The following SPATA17 variants were observed in gnomAD, a reference collection of about 807,000 sequenced individuals.
The protein encoded by SPATA17 is spermatogenesis-associated protein 17.
Under a neutral mutation model 62.2 loss-of-function variants are expected in SPATA17, and 53 were observed. That is an observed-to-expected ratio of 0.85 (90% CI 0.68 to 1.07). The LOEUF is 1.07. Among genes scored for constraint, SPATA17 ranks in the 50% least tolerant of loss-of-function variants. The pLI, the probability that SPATA17 is intolerant of heterozygous loss-of-function variation, is 0.00. For missense variants in SPATA17, 466 were observed against 425.5 expected (o/e 1.10, Z -0.84); for synonymous variants, 146 against 146.8 (o/e 0.99, Z 0.04).
At position 217,631,383 on chromosome 1, in the gene SPATA17, C is replaced by T. The variant is rs1233182861; in HGVS notation, c.5C>T (p.Ala2Val). M[A>V]TLARLQARSS... Reference sequence around the variant, plus strand: ...TAAACCCAAGGCCAAGAGACCATGGCCACGTTAGCCCGGCTGCAAGCTAGG... The same window carrying T: ...TAAACCCAAGGCCAAGAGACCATGGTCACGTTAGCCCGGCTGCAAGCTAGG... Residue 2 changes from alanine (A) to valine (V), a missense_variant, in exon 1 of 11, where the codon GCC becomes GTC. Physicochemically the swap from Ala to Val is moderately conservative, Grantham distance 64 (BLOSUM62 0). Coordinates refer to ENST00000366933, the MANE Select transcript of SPATA17 (RefSeq NM_138796.4). 1.4e-5 allele frequency: 22 copies of T among 1,614,006 alleles called. No homozygotes were observed. Among genetic ancestry groups the T allele is most frequent in the Non-Finnish European group, 1.9e-5 (22 of 1,180,028 alleles).
At position 217,870,425 on chromosome 1, in the gene SPATA17, G is replaced by A. The variant is rs911642997; in HGVS notation, c.*3406G>A. 6.6e-6 allele frequency: 1 copy of A among 152,142 alleles called. No homozygotes were observed. Among genetic ancestry groups the A allele is most frequent in the African/African-American group, 2.4e-5 (1 of 41,432 alleles). 9.4% of individuals were successfully genotyped at this position (152,142 alleles called of 1,614,324 possible). A position where few individuals can be genotyped will look rare whatever the true frequency, so the allele number is the denominator to read the frequency against. ...ATGATAACTACAGAGGTGTCCAGAT[G>A]AGTAAAAACTGCCTTTGCATTAAGG... On this transcript the variant is annotated 3_prime_UTR_variant, in exon 11 of 11. Transcript: ENST00000366933.
intron 2 of SPATA17, 63 bp downstream of exon 2, chr1:217,649,034 A>G (rs1391044437): frequency 8.5e-7 from 1 of 1,173,312 alleles, no homozygotes; most frequent in African/African-American, 1.6e-5. Flanking sequence ...TAGAAAATGT[A>G]ATTTATTCAT....
intron 3 of SPATA17, among the ~76,000 whole-genome samples, chr1:217,654,798 T>C (rs555842652): frequency 5.6e-4 from 84 of 151,256 alleles, no homozygotes; most frequent in Non-Finnish European, 9.0e-4. Context: ...CTGCAACCTC[T>C]GCCTCCCGGG....
chr1:217,633,153 G>A (rs918967044), intron 1 of SPATA17, among the ~76,000 whole-genome samples: 5 of 152,108 alleles, frequency 3.3e-5, no homozygotes, highest in East Asian at 1.9e-4. Flanking sequence ...AGCCGAGATC[G>A]CAATACTGCA....
At chr1:217,841,886 A>T (rs1675412914) in intron 9 of SPATA17, among the ~76,000 whole-genome samples, 1 of 151,266 alleles carries the variant, frequency 6.6e-6, no homozygotes, top group Non-Finnish European at 1.5e-5. Context: ...TATAATATGT[A>T]TATTATAAAC....
rs1676113742 is a variant in SPATA17, at chr1:217,870,771, C to A, written c.*3752C>A. 6.6e-6 allele frequency: 1 copy of A among 152,148 alleles called. No homozygotes were observed. The highest frequency in any genetic ancestry group is 1.5e-5 in the Non-Finnish European group (1 of 68,028). 9.4% of individuals were successfully genotyped at this position (152,148 alleles called of 1,614,324 possible). A position where few individuals can be genotyped will look rare whatever the true frequency, so the allele number is the denominator to read the frequency against. On this transcript the variant is annotated 3_prime_UTR_variant, in exon 11 of 11. Transcript: ENST00000366933. ...AATTCTTCTGAAATCAAAAGTCACA[C>A]CAGCTTTGCTGTAGTTAATCAGGTA... is the stretch of plus-strand genomic sequence containing the variant.
intron 8 of SPATA17, 100 bp from the exon 9 acceptor site, chr1:217,801,618 A>T: frequency 1.1e-6 from 1 of 899,336 alleles, no homozygotes; most frequent in African/African-American, 1.7e-5. Context: ...TAAATCTTGT[A>T]TCATTTTCAC....
At chr1:217,766,818 G>A (rs550004898) in intron 6 of SPATA17, among the ~76,000 whole-genome samples, 2 of 151,110 alleles carry the variant, frequency 1.3e-5, no homozygotes, top group South Asian at 4.2e-4. Flanking sequence ...GGGTTGTTAG[G>A]GTTTGATGTA....
intron 5 of SPATA17, among the ~76,000 whole-genome samples, chr1:217,709,170 A>C (rs1283014648): frequency 6.6e-6 from 1 of 152,038 alleles, no homozygotes; most frequent in Non-Finnish European, 1.5e-5. Flanking sequence ...TTTTCAGTGA[A>C]AATCACTGGG....
rs1273795695 is a variant in SPATA17 at position 217,869,793 on chromosome 1, T to A, written c.*2774T>A. ...ACATCCTATAATGGCCTGAACTAGT[T>A]TTTCAGGTTAACTTTGGAATACCCT... On this transcript the variant is annotated 3_prime_UTR_variant, in exon 11 of 11. Transcript: ENST00000366933. 1 of 151,960 alleles carries A rather than the reference T, an allele frequency of 6.6e-6. No individual in the cohort carries two copies. The highest frequency in any genetic ancestry group is 2.4e-5 in the African/African-American group (1 of 41,364). The allele number at this position is 151,960 out of a possible 1,614,324, so 9.4% of individuals were successfully genotyped here.
chr1:217,756,943 C>T (rs971452891), intron 6 of SPATA17, among the ~76,000 whole-genome samples: 2 of 152,140 alleles, frequency 1.3e-5, no homozygotes, highest in Non-Finnish European at 1.5e-5. Context: ...AATACAAATG[C>T]CTTCGACATC....
At chr1:217,804,461 C>T (rs1674385379) in intron 9 of SPATA17, among the ~76,000 whole-genome samples, 1 of 152,144 alleles carries the variant, frequency 6.6e-6, no homozygotes. Flanking sequence ...AGGAAAAAAG[C>T]TTCTTGACAT....
chr1:217,777,256 C>T (rs1008464224), intron 7 of SPATA17, among the ~76,000 whole-genome samples: 7 of 152,032 alleles, frequency 4.6e-5, no homozygotes, highest in African/African-American at 1.7e-4. Context: ...AAACTACTAA[C>T]TGATAATTAA....
chr1:217,651,174 T>G lies in SPATA17; in HGVS notation c.236T>G (p.Val79Gly). Reference protein sequence around the residue: ...FLGRKQYQLTVQVAYYTMMMN... With the variant: ...FLGRKQYQLTGQVAYYTMMMN... ...GGCAGAAAGCAATATCAACTAACTG[T>G]GCAGGTAAATATAAAATGTACATAT... Residue 79 changes from valine to glycine, a missense_variant, in exon 3 of 11, where the codon GTG becomes GGG. Val to Gly is a moderately radical substitution (Grantham distance 109). Coordinates refer to ENST00000366933, the MANE Select transcript of SPATA17 (RefSeq NM_138796.4). 1 of 1,600,234 alleles carries G rather than the reference T, an allele frequency of 6.2e-7. No homozygotes were observed. The highest frequency in any genetic ancestry group is 1.1e-5 in the South Asian group (1 of 88,678).
At chr1:217,804,833 A>G (rs957507713) in intron 9 of SPATA17, among the ~76,000 whole-genome samples, 1 of 152,204 alleles carries the variant, frequency 6.6e-6, no homozygotes, top group African/African-American at 2.4e-5. Flanking sequence ...AGAAACCACA[A>G]TGAGCTATAA....
At chr1:217,827,592 T>C (rs1294822726) in intron 9 of SPATA17, among the ~76,000 whole-genome samples, 3 of 152,136 alleles carry the variant, frequency 2.0e-5, no homozygotes, top group East Asian at 1.9e-4. Flanking sequence ...TGTCTGTTCA[T>C]TGCAGCACTA....
In SPATA17 at chr1:217,782,300, C is replaced by T. The variant is rs1673749882; in HGVS notation, c.850C>T (p.Leu284=). 2.5e-6 allele frequency: 4 copies of T among 1,609,586 alleles called. No homozygotes were observed. The highest frequency in any genetic ancestry group is 2.5e-6 in the Non-Finnish European group (3 of 1,178,194). The part of the protein sequence containing the change: ...AREELRREEW[L]QNVNDNMFLP... ...AGAGGAGCTCAGAAGAGAGGAATGG[C>T]TGCAAAATGTAAATGACAATATGTG... The change falls in exon 8 of 11, where the codon CTG becomes TTG. Residue 284 remains leucine (L), a synonymous_variant. Coordinates refer to ENST00000366933, the MANE Select transcript of SPATA17 (RefSeq NM_138796.4).
At chr1:217,640,045 A>G (rs902586758) in intron 1 of SPATA17, among the ~76,000 whole-genome samples, 1 of 150,112 alleles carries the variant, frequency 6.7e-6, no homozygotes, top group South Asian at 2.1e-4. Flanking sequence ...ACCTAAGATT[A>G]TATTTATTTA....
intron 7 of SPATA17, among the ~76,000 whole-genome samples, chr1:217,781,901 T>G (rs1673735191): frequency 6.6e-6 from 1 of 152,262 alleles, no homozygotes; most frequent in South Asian, 2.1e-4. Context: ...ATAACAAGTT[T>G]ATCAGTTATA....
Sources: gnomAD v4.1 joint callset for allele counts (sites outside exome capture counted in the v4.1 genomes callset) on GRCh38, gnomAD v4.1.1 for gene constraint, MANE v1.5 for transcripts, NCBI Gene and HGNC (gene_info 2026-07-23, HGNC 2026-07-21) for gene names.